The following BRAF variants were observed in gnomAD, a reference collection of about 807,000 sequenced individuals.
BRAF encodes the protein serine/threonine-protein kinase B-raf.
A neutral mutation model predicts 104.6 loss-of-function variants in BRAF; 16 were observed. That is an observed-to-expected ratio of 0.15 (90% CI 0.10 to 0.23). The LOEUF (loss-of-function observed/expected upper bound fraction) is 0.23. Ranked by LOEUF, BRAF falls within the 10% of genes least tolerant of loss-of-function variation. The pLI is 1.00. For missense variants in BRAF, 541 were observed against 937.3 expected, an observed-to-expected ratio of 0.58 and a Z score of 5.52; for synonymous variants, 310 against 341.6, an observed-to-expected ratio of 0.91 and a Z score of 1.02.
At chr7:140,893,868 T>C (rs1033991096) in intron 1 of BRAF, among the ~76,000 whole-genome samples, 1 of 151,980 alleles carries the variant, frequency 6.6e-6, no homozygotes, top group Non-Finnish European at 1.5e-5. Flanking sequence ...AAATGGGAGA[T>C]GAGGCAGGAG....
chr7:140,905,839 A>G (rs1246737414), intron 1 of BRAF, among the ~76,000 whole-genome samples: 1 of 152,068 alleles, frequency 6.6e-6, no homozygotes, highest in East Asian at 1.9e-4. Context: ...CTGTAATCCC[A>G]GCACTTTGGG....
intron 1 of BRAF, among the ~76,000 whole-genome samples, chr7:140,873,857 CAAAG>C (rs1234650776): frequency 6.6e-6 from 1 of 152,068 alleles, no homozygotes; most frequent in Non-Finnish European, 1.5e-5. Context: ...GATAGACACA[CAAAG>C]AAAGAATAGA....
chr7:140,816,121 A>T (rs1183764474), intron 3 of BRAF, among the ~76,000 whole-genome samples: 1 of 152,232 alleles, frequency 6.6e-6, no homozygotes, highest in Non-Finnish European at 1.5e-5. Context: ...ATTGAAATTT[A>T]AACACAGTAA....
intron 1 of BRAF, among the ~76,000 whole-genome samples, chr7:140,909,999 C>T (rs1816794672): frequency 6.6e-6 from 1 of 152,082 alleles, no homozygotes; most frequent in African/African-American, 2.4e-5. Flanking sequence ...CTGTCCTGAA[C>T]ATTGTGGGAT....
rs530948831 is a variant in BRAF at position 140,913,316 on chromosome 7, A to G, written c.138+11250T>C. Among the ~76,000 whole-genome samples the G allele has an allele frequency of 3.3e-5, 5 of 152,232 alleles. No individual in the cohort carries two copies. In the East Asian group the frequency reaches 9.6e-4, roughly 29 times the overall value. On this transcript the variant is annotated intron_variant, in intron 1 of 19. Transcript: ENST00000644969. ...GGTAGAGACCTTTGTTTTGTTTTCA[A>G]GTGTACTACTAAGCACCTAGATCAC...
intron 19 of BRAF, chr7:140,732,128 G>A (rs1267332415): frequency 8.9e-6 from 1 of 112,408 alleles, no homozygotes; most frequent in African/African-American, 3.3e-5. Flanking sequence ...CCGAGATCCC[G>A]CCACTGCACT....
At chr7:140,758,933 AC>A (rs755015318) in intron 14 of BRAF, among the ~76,000 whole-genome samples, 1 of 152,132 alleles carries the variant, frequency 6.6e-6, no homozygotes, top group African/African-American at 2.4e-5. Context: ...GATTAGTAAC[AC>A]CCCCTTTAGG....
intron 2 of BRAF, among the ~76,000 whole-genome samples, chr7:140,837,332 G>A (rs1807452439): frequency 1.3e-5 from 2 of 152,114 alleles, no homozygotes; most frequent in African/African-American, 4.8e-5. Context: ...ACGCACCCCT[G>A]GGGCACACAT....
chr7:140,730,843 A>G (rs142849587), intron 19 of BRAF: 1 of 152,304 alleles, frequency 6.6e-6, no homozygotes, highest in East Asian at 1.9e-4. Flanking sequence ...AATGGAGTAT[A>G]TTTTAATGGG....
intron 3 of BRAF, among the ~76,000 whole-genome samples, chr7:140,832,547 G>A (rs116101290): frequency 0.015 from 2,217 of 152,222 alleles, 55 homozygotes; most frequent in African/African-American, 0.049. Context: ...GCAAAATAAC[G>A]TTCTTGAAAG....
intron 2 of BRAF, chr7:140,835,484 T>G (rs961617270): frequency 2.0e-5 from 3 of 153,384 alleles, no homozygotes; most frequent in Non-Finnish European, 2.9e-5. Flanking sequence ...TACTTTACTC[T>G]TCTCAGTATG....
At chr7:140,738,855 A>C (rs1796664364) in intron 18 of BRAF, among the ~76,000 whole-genome samples, 1 of 151,954 alleles carries the variant, frequency 6.6e-6, no homozygotes, top group East Asian at 1.9e-4. Context: ...ACCTCAACTG[A>C]TCTGCCTGCC....
chr7:140,754,347 A>G lies in BRAF; in HGVS notation c.1815-114T>C, dbSNP rs1476708755. 3 of 866,796 alleles carry G rather than the reference A, an allele frequency of 3.5e-6. No individual in the cohort carries two copies. The African/African-American group carries it at 5.0e-5, about 14-fold the overall frequency. 53.7% of individuals were successfully genotyped at this position (866,796 alleles called of 1,614,324 possible). A position where few individuals can be genotyped will look rare whatever the true frequency, so the allele number is the denominator to read the frequency against. ...TATTTAGAATCATGATACAACTGAA[A>G]ATAGTACATTGTAATAAACCCTTCA... On this transcript the variant is annotated intron_variant, in intron 14 of 19. Transcript: ENST00000644969.
chr7:140,746,832 A>G (rs764944565), intron 17 of BRAF, among the ~76,000 whole-genome samples: 75 of 128,038 alleles, frequency 5.9e-4, no homozygotes, highest in Non-Finnish European at 8.9e-4. Flanking sequence ...TCCGTCTTGG[A>G]AAAAAAAAAA....
chr7:140,901,871 C>T (rs1362778892), intron 1 of BRAF, among the ~76,000 whole-genome samples: 1 of 152,200 alleles, frequency 6.6e-6, no homozygotes, highest in African/African-American at 2.4e-5. Flanking sequence ...TATTTATCTA[C>T]TTCTACCACT....
At chr7:140,829,772 G>A (rs556228047) in intron 3 of BRAF, among the ~76,000 whole-genome samples, 23 of 152,250 alleles carry the variant, frequency 1.5e-4, no homozygotes, top group South Asian at 2.1e-4. Context: ...AAGTATCCAG[G>A]TCAATCTCTG....
intron 1 of BRAF, among the ~76,000 whole-genome samples, chr7:140,884,528 C>A (rs1409341358): frequency 1.3e-5 from 2 of 149,862 alleles, no homozygotes; most frequent in Non-Finnish European, 3.0e-5. Context: ...GTAGCCCAGG[C>A]AGGAATGTAG....
chr7:140,739,307 G>A (rs544609170), intron 18 of BRAF, among the ~76,000 whole-genome samples: 1 of 152,190 alleles, frequency 6.6e-6, no homozygotes, highest in South Asian at 2.1e-4. Context: ...GTGCAAAAGC[G>A]GAGAATCCAG....
At chr7:140,878,108 G>A (rs1041971241) in intron 1 of BRAF, among the ~76,000 whole-genome samples, 2 of 151,426 alleles carry the variant, frequency 1.3e-5, no homozygotes, top group African/African-American at 4.9e-5. Flanking sequence ...ATAGATACAA[G>A]GTCAAAAAAA....
Sources: allele counts gnomAD v4.1 joint callset (sites outside exome capture counted in the v4.1 genomes callset), GRCh38; gene constraint gnomAD v4.1.1; transcripts MANE v1.5; gene names NCBI Gene and HGNC (gene_info 2026-07-23, HGNC 2026-07-21).